The following RGS6 variants were observed in gnomAD, a reference collection of about 807,000 sequenced individuals.
The protein encoded by RGS6 is regulator of G protein signaling 6.
In RGS6, 30 loss-of-function variants were observed where a neutral mutation model predicts 78.5. That is an observed-to-expected ratio of 0.38 (90% CI 0.29 to 0.52). The LOEUF (loss-of-function observed/expected upper bound fraction) is 0.52. RGS6 is among the 20% of genes least tolerant of loss of function. The pLI is 0.85. For missense variants in RGS6, 495 were observed against 609.7 expected (o/e 0.81, Z 1.98); for synonymous variants, 206 against 206.0 (o/e 1.00, Z 0.00).
intron 14 of RGS6, among the ~76,000 whole-genome samples, chr14:72,515,318 C>A (rs1246723198): frequency 1.3e-5 from 2 of 149,846 alleles, no homozygotes; most frequent in African/African-American, 2.5e-5. Context: ...TAAAAAAATT[C>A]TTGGTTTTAT....
chr14:72,361,189 G>T lies in RGS6; in HGVS notation c.184+8995G>T, dbSNP rs117935341. ...CCTTCTTAGGATGATTAATATTTTT[G>T]AATTTAAAGACAGGTAATTTTTTTC... On this transcript the variant is annotated intron_variant, in intron 3 of 17. Coordinates refer to ENST00000553525, the MANE Select transcript of RGS6 (RefSeq NM_001204424.2). Among the ~76,000 whole-genome samples the T allele has an allele frequency of 9.6e-4, 124 of 129,098 alleles. 2 individuals carry two copies. In the East Asian group the frequency reaches 0.026, roughly 27 times the overall value. 84.7% of individuals were successfully genotyped at this position (129,098 alleles called of 152,430 possible).
chr14:71,994,042 G>T (rs918503783), intron 2 of RGS6, among the ~76,000 whole-genome samples: 1 of 151,452 alleles, frequency 6.6e-6, no homozygotes, highest in African/African-American at 2.4e-5. Context: ...GCCAATTCAG[G>T]GTTCTGCAAA....
At chr14:72,083,837 G>A (rs537952368) in intron 2 of RGS6, among the ~76,000 whole-genome samples, 9 of 152,246 alleles carry the variant, frequency 5.9e-5, no homozygotes, top group Admixed American at 3.3e-4. Flanking sequence ...AAAATGGCAC[G>A]AATTAAACAT....
At chr14:72,334,071 C>T (rs1308591541) in intron 2 of RGS6, among the ~76,000 whole-genome samples, 1 of 152,240 alleles carries the variant, frequency 6.6e-6, no homozygotes, top group African/African-American at 2.4e-5. Flanking sequence ...ACCTCCATCT[C>T]CAACACCCCC....
At chr14:71,910,962 CCT>C in the RGS6 span, among the ~76,000 whole-genome samples, 12 of 152,240 alleles carry the variant, frequency 7.9e-5, 1 homozygote, top group East Asian at 2.3e-3. Flanking sequence ...ATTTGACTTC[CCT>C]CTCTGAGTCT....
intron 9 of RGS6, 128 bp from the exon 10 acceptor site, chr14:72,474,497 T>C (rs2096181163): frequency 1.3e-6 from 1 of 781,524 alleles, no homozygotes; most frequent in African/African-American, 1.8e-5. Context: ...TATGGCAAAA[T>C]GGAAAAAAAA....
At chr14:72,290,669 A>G (rs2063425781) in intron 2 of RGS6, among the ~76,000 whole-genome samples, 1 of 152,214 alleles carries the variant, frequency 6.6e-6, no homozygotes, top group African/African-American at 2.4e-5. Context: ...GAAGCAAGGA[A>G]GAAACTAGGC....
intron 2 of RGS6, among the ~76,000 whole-genome samples, chr14:72,158,894 A>G (rs1016394894): frequency 4.6e-5 from 7 of 152,058 alleles, no homozygotes; most frequent in African/African-American, 1.7e-4. Flanking sequence ...TCTCAGCTCC[A>G]CCCTTTTCTT....
chr14:72,587,111 C>T, the RGS6 span, among the ~76,000 whole-genome samples: 1 of 152,146 alleles, frequency 6.6e-6, no homozygotes, highest in African/African-American at 2.4e-5. Flanking sequence ...TTGGGTCAGC[C>T]ACGTCTCTGT....
the RGS6 span, among the ~76,000 whole-genome samples, chr14:72,611,609 C>T: frequency 2.6e-4 from 39 of 152,270 alleles, no homozygotes; most frequent in African/African-American, 8.7e-4. Context: ...GTTGCACCTC[C>T]CTGCCTTCCA....
At chr14:72,203,134 C>T (rs1213353701) in intron 2 of RGS6, among the ~76,000 whole-genome samples, 1 of 152,122 alleles carries the variant, frequency 6.6e-6, no homozygotes, top group African/African-American at 2.4e-5. Context: ...CTCGGCCTCC[C>T]AAAGTGCTGG....
At chr14:72,259,910 C>CAAAAAAAAA (rs11287556) in intron 2 of RGS6, among the ~76,000 whole-genome samples, 10 of 68,396 alleles carry the variant, frequency 1.5e-4, no homozygotes, top group African/African-American at 4.5e-4. Flanking sequence ...GACTCCGTCT[C>CAAAAAAAAA]AAAAAAAAAA....
In RGS6 at chr14:72,377,805, T is replaced by C. The variant is rs527338560; in HGVS notation, c.184+25611T>C. ...CCAGCCTGGACAACATAGTGAGGCT[T>C]TGTCTCTACAAAAGATTAAAAAATT... On this transcript the variant is annotated intron_variant, in intron 3 of 17. Transcript: ENST00000553525. Among the ~76,000 whole-genome samples the C allele has an allele frequency of 4.1e-4, 62 of 152,158 alleles. 1 individual carries two copies. The South Asian group carries it at 6.0e-3, about 15-fold the overall frequency.
the RGS6 span, among the ~76,000 whole-genome samples, chr14:71,877,665 C>G: frequency 6.6e-6 from 1 of 152,040 alleles, no homozygotes; most frequent in South Asian, 2.1e-4. Context: ...CCGATTGTCT[C>G]AAGCCTTCTT....
At chr14:71,909,066 G>A in the RGS6 span, among the ~76,000 whole-genome samples, 4 of 152,128 alleles carry the variant, frequency 2.6e-5, no homozygotes, top group African/African-American at 9.7e-5. Context: ...AGTGGGCTTA[G>A]GTTGAAGGAT....
chr14:72,340,161 T>A (rs922625257), intron 2 of RGS6, among the ~76,000 whole-genome samples: 4 of 152,196 alleles, frequency 2.6e-5, no homozygotes, highest in Non-Finnish European at 5.9e-5. Context: ...GATGCTCATT[T>A]CTACCTGATT....
chr14:71,893,505 T>C, the RGS6 span, among the ~76,000 whole-genome samples: 1 of 152,152 alleles, frequency 6.6e-6, no homozygotes, highest in Non-Finnish European at 1.5e-5. Flanking sequence ...AAGACCACCA[T>C]GCTAAATAGT....
At chr14:72,343,562 A>T (rs1407218796) in intron 2 of RGS6, among the ~76,000 whole-genome samples, 7 of 152,168 alleles carry the variant, frequency 4.6e-5, no homozygotes, top group Non-Finnish European at 7.4e-5. Flanking sequence ...TAGGACATGG[A>T]TCTCTTTTGG....
At chr14:72,131,871 C>T (rs2096326050) in intron 2 of RGS6, among the ~76,000 whole-genome samples, 1 of 152,184 alleles carries the variant, frequency 6.6e-6, no homozygotes, top group Admixed American at 6.5e-5. Flanking sequence ...TTACTAGAAG[C>T]CCACCATGGG....
Sources: allele counts gnomAD v4.1 joint callset (sites outside exome capture counted in the v4.1 genomes callset), GRCh38; gene constraint gnomAD v4.1.1; transcripts MANE v1.5; gene names NCBI Gene and HGNC (gene_info 2026-07-23, HGNC 2026-07-21).